Variants in KCNK2 observed in about 807,000 individuals in gnomAD.
The protein encoded by KCNK2 is potassium two pore domain channel subfamily K member 2.
Under a neutral mutation model 40.5 loss-of-function variants are expected in KCNK2, and 21 were observed. The observed-to-expected ratio is 0.52, with a 90% CI of 0.37 to 0.75. The LOEUF is 0.75. Ranked by LOEUF, KCNK2 falls within the 30% of genes least tolerant of loss-of-function variation. The probability of loss-of-function intolerance (pLI) is 0.00; values close to 1 mark genes in which losing one functional copy is unlikely to be tolerated. For synonymous variants in KCNK2, 191 were observed against 202.2 expected (o/e 0.94, Z 0.47); for missense variants, 399 against 531.6 (o/e 0.75, Z 2.45).
intron 3 of KCNK2, among the ~76,000 whole-genome samples, chr1:215,147,833 TCAAAAAA>T (rs1662494673): frequency 6.6e-6 from 1 of 151,964 alleles, no homozygotes; most frequent in African/African-American, 2.4e-5. Flanking sequence ...AGACTCTGTC[TCAAAAAA>T]CAAAAAACAA....
chr1:215,005,992 T>A, intron 1 of KCNK2: 1 of 1,560,510 alleles, frequency 6.4e-7, no homozygotes. Flanking sequence ...CCTTATTTGT[T>A]TTCAAATTTT....
chr1:215,152,254 G>A (rs761726834), intron 3 of KCNK2, among the ~76,000 whole-genome samples: 2 of 151,994 alleles, frequency 1.3e-5, no homozygotes, highest in Non-Finnish European at 2.9e-5. Context: ...ACTAACTTAG[G>A]GATAAATTAT....
chr1:215,225,533 A>G (rs1240733702), intron 6 of KCNK2, among the ~76,000 whole-genome samples: 1 of 152,188 alleles, frequency 6.6e-6, no homozygotes, highest in Admixed American at 6.5e-5. Flanking sequence ...ACCAACACAC[A>G]CTGGTAGAGA....
intron 1 of KCNK2, among the ~76,000 whole-genome samples, chr1:215,028,719 A>G (rs1007829497): frequency 7.9e-5 from 12 of 152,146 alleles, no homozygotes; most frequent in Non-Finnish European, 1.3e-4. Flanking sequence ...TGATAAATGC[A>G]TTTACCATGT....
intron 6 of KCNK2, among the ~76,000 whole-genome samples, chr1:215,225,408 T>C (rs2102705045): frequency 6.6e-6 from 1 of 152,346 alleles, no homozygotes; most frequent in Non-Finnish European, 1.5e-5. Context: ...GCCTTTTCCT[T>C]TGCTGGAAAT....
chr1:215,211,106 T>C (rs182090008), intron 6 of KCNK2, among the ~76,000 whole-genome samples: 8 of 152,276 alleles, frequency 5.3e-5, no homozygotes, highest in African/African-American at 1.7e-4. Flanking sequence ...TGGAAGTTTT[T>C]GATGGCTTCC....
chr1:215,160,482 G>A (rs1412697006), intron 3 of KCNK2, among the ~76,000 whole-genome samples: 2 of 152,164 alleles, frequency 1.3e-5, no homozygotes, highest in Non-Finnish European at 2.9e-5. Flanking sequence ...CAGGTTTATT[G>A]TATGGCTTCT....
At chr1:215,216,606 T>A (rs1665974122) in intron 6 of KCNK2, among the ~76,000 whole-genome samples, 1 of 151,358 alleles carries the variant, frequency 6.6e-6, no homozygotes. Flanking sequence ...ATGTAATTTT[T>A]AATTTTCTAA....
intron 6 of KCNK2, among the ~76,000 whole-genome samples, chr1:215,204,834 G>C (rs1219631760): frequency 2.0e-5 from 3 of 152,158 alleles, no homozygotes; most frequent in Non-Finnish European, 4.4e-5. Context: ...GAATAATCAA[G>C]TCAGGGATTA....
Position 215,172,176 on chromosome 1 carries a change from C to T in KCNK2, c.816C>T (p.Tyr272=), listed in dbSNP as rs767055550. The change falls in exon 5 of 7, where the codon TAC becomes TAT. Residue 272 remains tyrosine (Y), a synonymous_variant. Transcript: ENST00000444842. ...TAACAACTATTGGATTTGGTGACTA[C>T]GTTGCAGGTAAGCTTTTCCTGGCAT... The part of the protein sequence containing the change: ...ITLTTIGFGD[Y]VAGGSDIEYL... 5.0e-6 allele frequency: 8 copies of T among 1,611,240 alleles called. No homozygotes were observed. The highest frequency in any genetic ancestry group is 3.3e-5 in the South Asian group (3 of 90,686).
At chr1:215,130,794 T>C (rs769978857) in intron 3 of KCNK2, among the ~76,000 whole-genome samples, 4 of 152,216 alleles carry the variant, frequency 2.6e-5, no homozygotes, top group Non-Finnish European at 5.9e-5. Flanking sequence ...GATGGAGATA[T>C]ACTCCTCTCA....
At chr1:215,050,451 T>C (rs1657946357) in intron 1 of KCNK2, among the ~76,000 whole-genome samples, 1 of 152,096 alleles carries the variant, frequency 6.6e-6, no homozygotes, top group Admixed American at 6.6e-5. Flanking sequence ...GTACTATAGG[T>C]GATGGGGACA....
At position 215,235,109 on chromosome 1, in the gene KCNK2, T is replaced by G. The variant is rs754267500; in HGVS notation, c.1245T>G (p.Ala415=). The G allele has an allele frequency of 1.6e-5, 26 of 1,603,322 alleles. No individual in the cohort carries two copies. Among genetic ancestry groups the G allele is most frequent in the South Asian group, 7.7e-5 (7 of 90,982 alleles). ...TGAATGGTTTGACGCCACACTGTGC[T>G]GGTGAAGAGATTGCTGTGATTGAGA... ...IYLNGLTPHC[A]GEEIAVIENI... The change falls in exon 7 of 7, where the codon GCT becomes GCG. Residue 415 remains alanine (A), a synonymous_variant. Coordinates refer to ENST00000444842, the MANE Select transcript of KCNK2 (RefSeq NM_001017425.3).
In KCNK2 at chr1:215,083,389, C is replaced by T. The variant is rs762453632; in HGVS notation, c.4C>T (p.Leu2Phe). 2.5e-6 allele frequency: 4 copies of T among 1,614,124 alleles called. No individual in the cohort carries two copies. The South Asian group carries it at 4.4e-5, about 18-fold the overall frequency. M[L>F]PSASRERPGY... is the part of the protein sequence containing the mutation. ...CATTTTGAATGCTGCATGCCTCATG[C>T]TTCCCAGCGCCTCGCGGGAGAGACC... Residue 2 changes from leucine to phenylalanine, a missense_variant, in exon 1 of 7, where the codon CTT (leucine) becomes TTT (phenylalanine). Physicochemically the swap from Leu to Phe is conservative, Grantham distance 22 (BLOSUM62 0). This residue lies in a region of KCNK2 where 279 missense variants were observed against 353.8 expected (regional missense o/e 0.79). Transcript: ENST00000444842.
At chr1:215,143,194 G>T (rs1662263261) in intron 3 of KCNK2, among the ~76,000 whole-genome samples, 1 of 151,872 alleles carries the variant, frequency 6.6e-6, no homozygotes, top group African/African-American at 2.4e-5. Context: ...AGATCTATTT[G>T]TGCATGTGCT....
At chr1:215,010,851 A>ATTT (rs66945279) in intron 1 of KCNK2, among the ~76,000 whole-genome samples, 4 of 125,458 alleles carry the variant, frequency 3.2e-5, no homozygotes, top group East Asian at 2.1e-4. Flanking sequence ...CAGGACACAG[A>ATTT]TTTTTTTTTT....
chr1:215,093,495 ATATAT>A (rs912380791), intron 2 of KCNK2, among the ~76,000 whole-genome samples: 1 of 41,446 alleles, frequency 2.4e-5, no homozygotes, highest in African/African-American at 9.7e-5. Context: ...AATATATGTT[ATATAT>A]TATATATAAA....
In KCNK2 at chr1:215,086,759, G is replaced by C; in HGVS notation, c.357+81G>C. 2.3e-6 allele frequency: 3 copies of C among 1,286,094 alleles called. No homozygotes were observed. The East Asian group carries it at 7.0e-5, about 30-fold the overall frequency. The allele number at this position is 1,286,094 out of a possible 1,614,324, so 79.7% of individuals were successfully genotyped here. A position where few individuals can be genotyped will look rare whatever the true frequency, so the allele number is the denominator to read the frequency against. The stretch of plus-strand genomic sequence containing the variant: ...AGGAGGAGACAACTTGTAGCCCAGT[G>C]TATTACAGGTGTGCTGGTGGGAGCC... On this transcript the variant is annotated intron_variant, in intron 2 of 6. Transcript: ENST00000444842.
chr1:215,216,766 TAATA>T (rs1262327560), intron 6 of KCNK2, among the ~76,000 whole-genome samples: 1 of 152,180 alleles, frequency 6.6e-6, no homozygotes, highest in Non-Finnish European at 1.5e-5. Flanking sequence ...TCTTTTTTAA[TAATA>T]AATCTTCAAA....
Sources: gnomAD v4.1 joint callset for allele counts (sites outside exome capture counted in the v4.1 genomes callset) on GRCh38, gnomAD v4.1.1 for gene constraint, gnomAD v4.1.1 regional missense constraint, MANE v1.5 for transcripts, NCBI Gene and HGNC (gene_info 2026-07-23, HGNC 2026-07-21) for gene names.